RBFOX1: variants seen among roughly 807,000 people sequenced by gnomAD.
RBFOX1 encodes the protein RNA binding protein fox-1 homolog 1.
A neutral mutation model predicts 57.7 loss-of-function variants in RBFOX1; 8 were observed. That is an observed-to-expected ratio of 0.14 (90% CI 0.08 to 0.25). RBFOX1 has a LOEUF of 0.25. Among genes scored for constraint, RBFOX1 ranks in the 10% least tolerant of loss-of-function variants. The pLI is 1.00. For missense variants in RBFOX1, 611 were observed against 548.5 expected (o/e 1.11, Z -1.14); for synonymous variants, 326 against 222.4 (o/e 1.47, Z -4.15).
At chr16:6,257,236 G>A (rs1598887224) in intron 1 of RBFOX1, among the ~76,000 whole-genome samples, 1 of 151,974 alleles carries the variant, frequency 6.6e-6, no homozygotes, top group Non-Finnish European at 1.5e-5. Context: ...CCCTGCATGT[G>A]CTAGCTATTT....
At chr16:5,628,269 A>C (rs542467643) in intron 3 of RBFOX1, among the ~76,000 whole-genome samples, 3 of 152,214 alleles carry the variant, frequency 2.0e-5, no homozygotes, top group African/African-American at 7.2e-5. Flanking sequence ...AGTCTCTTCT[A>C]CCATGCAAAT....
intron 2 of RBFOX1, among the ~76,000 whole-genome samples, chr16:5,577,564 A>G (rs1490945809): frequency 1.3e-5 from 2 of 152,192 alleles, no homozygotes; most frequent in African/African-American, 4.8e-5. Context: ...TGCTGCCAGA[A>G]TGTGCCCCAC....
chr16:5,684,200 C>T (rs990093242), intron 3 of RBFOX1, among the ~76,000 whole-genome samples: 8 of 152,118 alleles, frequency 5.3e-5, no homozygotes, highest in Non-Finnish European at 1.2e-4. Context: ...GAGAGGATGG[C>T]GCCCTCTTCG....
At chr16:5,519,195 G>A (rs62018363) in intron 2 of RBFOX1, among the ~76,000 whole-genome samples, 3,389 of 152,300 alleles carry the variant, frequency 0.022, 52 homozygotes, top group Middle Eastern at 0.044. Context: ...GATACTTTGT[G>A]GTGGCAACCC....
At chr16:5,727,776 C>G (rs965356929) in intron 3 of RBFOX1, among the ~76,000 whole-genome samples, 16 of 152,194 alleles carry the variant, frequency 1.1e-4, no homozygotes, top group Non-Finnish European at 2.2e-4. Context: ...CAGCCTCAAA[C>G]TTCTGGATTC....
intron 4 of RBFOX1, among the ~76,000 whole-genome samples, chr16:5,983,019 G>A (rs370650696): frequency 6.6e-6 from 1 of 152,122 alleles, no homozygotes; most frequent in African/African-American, 2.4e-5. Flanking sequence ...AGGTAAGAGG[G>A]TCACACAGAC....
chr16:7,547,071 G>C (rs1044760880), intron 5 of RBFOX1, among the ~76,000 whole-genome samples: 1 of 151,784 alleles, frequency 6.6e-6, no homozygotes, highest in Non-Finnish European at 1.5e-5. Flanking sequence ...CCAGTATCAA[G>C]CATTATCTCA....
chr16:5,666,010 C>G (rs2049832991), intron 3 of RBFOX1, among the ~76,000 whole-genome samples: 1 of 152,222 alleles, frequency 6.6e-6, no homozygotes, highest in African/African-American at 2.4e-5. Flanking sequence ...AAACTGCCAC[C>G]CACTCAAACC....
intron 3 of RBFOX1, among the ~76,000 whole-genome samples, chr16:6,846,801 C>T (rs1185395525): frequency 1.3e-5 from 2 of 151,762 alleles, no homozygotes; most frequent in African/African-American, 4.8e-5. Flanking sequence ...TTTATTTATT[C>T]ATTTGTAAGC....
In RBFOX1 at chr16:7,612,423, C is replaced by G. The variant is rs370136028; in HGVS notation, c.676+5085C>G. Among the ~76,000 whole-genome samples, 110 of 149,840 alleles carry G rather than the reference C, an allele frequency of 7.3e-4. 1 individual carries two copies. Among genetic ancestry groups the G allele is most frequent in the African/African-American group, 2.5e-3 (101 of 40,700 alleles). ...TCTTTGGCCAATGTGTATGGCCCTT[C>G]TTTAGAGTTTAAGTAAAATCAAGGC... is the stretch of plus-strand genomic sequence containing the variant. On this transcript the variant is annotated intron_variant, in intron 10 of 15. Coordinates refer to ENST00000550418, the MANE Select transcript of RBFOX1 (RefSeq NM_018723.4).
chr16:6,819,113 A>G lies in RBFOX1; in HGVS notation c.-16+164463A>G, dbSNP rs1012687126. ...CACAGACTTCCGGTTTCAGGATCCA[A>G]CAATTTCCATGTGGGCTATGGCAGT... On this transcript the variant is annotated intron_variant, in intron 3 of 15. Transcript: ENST00000550418. Among the ~76,000 whole-genome samples the G allele has an allele frequency of 5.9e-5, 9 of 152,322 alleles. No homozygotes were observed. In the East Asian group the frequency reaches 1.4e-3, roughly 23 times the overall value.
chr16:5,325,320 C>G (rs1035224413), intron 1 of RBFOX1, among the ~76,000 whole-genome samples: 138 of 152,328 alleles, frequency 9.1e-4, no homozygotes, highest in African/African-American at 3.3e-3. Flanking sequence ...ACACGAGACT[C>G]ACTTGTCCTT....
chr16:5,811,931 C>T (rs2055447251), intron 3 of RBFOX1, among the ~76,000 whole-genome samples: 1 of 152,186 alleles, frequency 6.6e-6, no homozygotes, highest in South Asian at 2.1e-4. Context: ...ATCTACTCTC[C>T]CTCAACCTCC....
chr16:7,642,998 A>G (rs1053074234), intron 11 of RBFOX1, among the ~76,000 whole-genome samples: 1 of 152,218 alleles, frequency 6.6e-6, no homozygotes, highest in Non-Finnish European at 1.5e-5. Flanking sequence ...TAGTAAAAAC[A>G]TATCACTACA....
At chr16:6,821,505 A>G (rs1026400281) in intron 3 of RBFOX1, among the ~76,000 whole-genome samples, 1 of 152,150 alleles carries the variant, frequency 6.6e-6, no homozygotes, top group African/African-American at 2.4e-5. Context: ...AAACATTTTC[A>G]TTATCCCAAA....
chr16:5,522,297 T>G (rs959974958), intron 2 of RBFOX1, among the ~76,000 whole-genome samples: 1 of 152,244 alleles, frequency 6.6e-6, no homozygotes, highest in African/African-American at 2.4e-5. Flanking sequence ...ATGGGTCTCA[T>G]AATAGAGCTC....
chr16:6,956,907 C>G (rs1372538600), intron 3 of RBFOX1, among the ~76,000 whole-genome samples: 1 of 151,836 alleles, frequency 6.6e-6, no homozygotes, highest in Non-Finnish European at 1.5e-5. Context: ...AGTTGTGTTA[C>G]CAGGAAGGGG....
At chr16:6,255,966 G>A (rs989672513) in intron 1 of RBFOX1, among the ~76,000 whole-genome samples, 2 of 151,014 alleles carry the variant, frequency 1.3e-5, no homozygotes, top group African/African-American at 2.4e-5. Context: ...TAGATGACAC[G>A]TTGATGGGTG....
At chr16:6,843,425 A>T (rs1179103077) in intron 3 of RBFOX1, among the ~76,000 whole-genome samples, 1 of 148,188 alleles carries the variant, frequency 6.7e-6, no homozygotes, top group African/African-American at 2.4e-5. Context: ...ATGGTGGCTT[A>T]CACCTGTAAT....
Sources: gnomAD v4.1 joint callset for allele counts (sites outside exome capture counted in the v4.1 genomes callset) on GRCh38, gnomAD v4.1.1 for gene constraint, MANE v1.5 for transcripts, NCBI Gene and HGNC (gene_info 2026-07-23, HGNC 2026-07-21) for gene names.